The following OR6N2 variants were observed in gnomAD, a reference collection of about 807,000 sequenced individuals.
OR6N2 encodes olfactory receptor family 6 subfamily N member 2, also known as olfactory receptor 6N2.
For missense variants in OR6N2, 399 were observed against 379.7 expected, an observed-to-expected ratio of 1.05 and a Z score of -0.42; for synonymous variants, 160 against 138.3, an observed-to-expected ratio of 1.16 and a Z score of -1.10.
intron 1 of OR6N2, among the ~76,000 whole-genome samples, chr1:158,779,228 T>C (rs904642140): frequency 6.6e-6 from 1 of 152,008 alleles, no homozygotes; most frequent in Non-Finnish European, 1.5e-5. Context: ...TAACAAAAAT[T>C]CACAATGCAA....
intron 1 of OR6N2, among the ~76,000 whole-genome samples, chr1:158,780,381 CT>C: frequency 6.6e-6 from 1 of 152,278 alleles, no homozygotes; most frequent in East Asian, 1.9e-4. Flanking sequence ...GATCAAATGT[CT>C]TTAATCTTCC....
At position 158,776,581 on chromosome 1, in the gene OR6N2, G is replaced by T; in HGVS notation, c.*101C>A. On this transcript the variant is annotated 3_prime_UTR_variant, in exon 2 of 2. Coordinates refer to ENST00000641131, the MANE Select transcript of OR6N2 (RefSeq NM_001005278.2). ...ATAAAGAAATGAAGTCTTTGAAGAG[G>T]TGAAAGGAAATGAAATTCAGAGCAT... The T allele has an allele frequency of 1.5e-6, 1 of 659,516 alleles. No homozygotes were observed. The highest frequency in any genetic ancestry group is 2.6e-6 in the Non-Finnish European group (1 of 384,380). The allele number at this position is 659,516 out of a possible 1,614,324, so 40.9% of individuals were successfully genotyped here.
Position 158,776,460 on chromosome 1 carries a change from T to G in OR6N2, c.*222A>C. 1 of 386,794 alleles carries G rather than the reference T, an allele frequency of 2.6e-6. No individual in the cohort carries two copies. Among genetic ancestry groups the G allele is most frequent in the Non-Finnish European group, 4.6e-6 (1 of 218,476 alleles). 24.0% of individuals were successfully genotyped at this position (386,794 alleles called of 1,614,324 possible). Reference sequence around the variant, plus strand: ...CCTAGGAAATATACATGCTTTTTTTTAAAAAAAGAAGTATGTAGATACTAA... The same window carrying G: ...CCTAGGAAATATACATGCTTTTTTTGAAAAAAAGAAGTATGTAGATACTAA... On this transcript the variant is annotated 3_prime_UTR_variant, in exon 2 of 2. Transcript: ENST00000641131.
chr1:158,779,893 C>G (rs2102017216), intron 1 of OR6N2, among the ~76,000 whole-genome samples: 1 of 152,272 alleles, frequency 6.6e-6, no homozygotes, highest in Middle Eastern at 3.4e-3. Flanking sequence ...ACAAGTCTGT[C>G]TTCCCCAAAA....
rs149694373 is a variant in OR6N2 at position 158,777,061 on chromosome 1, G to A, written c.575C>T (p.Thr192Ile). The change falls in exon 2 of 2, where the codon ACA becomes ATA. Residue 192 changes from threonine to isoleucine, a missense_variant. Thr to Ile is a moderately conservative substitution (Grantham distance 89). Coordinates refer to ENST00000641131, the MANE Select transcript of OR6N2 (RefSeq NM_001005278.2). ...AAAGTCCACCAGAATGTTAGCAGAT[G>A]TGTCCTTGCAGGCCAAGCTCAGCAA... is the stretch of plus-strand genomic sequence containing the variant. ...PPLLSLACKDTSANILVDFAI... is the reference protein window; with the variant it reads ...PPLLSLACKDISANILVDFAI... 13 of 1,614,018 alleles carry A rather than the reference G, an allele frequency of 8.1e-6. No homozygotes were observed. The highest frequency in any genetic ancestry group is 1.0e-5 in the Non-Finnish European group (12 of 1,180,004).
At chr1:158,778,634 C>T (rs1657668840) in intron 1 of OR6N2, among the ~76,000 whole-genome samples, 1 of 152,060 alleles carries the variant, frequency 6.6e-6, no homozygotes, top group African/African-American at 2.4e-5. Context: ...CTATTCTGAC[C>T]TCAAGCTCGG....
In OR6N2 at chr1:158,776,962, ACAGCCC is replaced by A. The variant is rs1657614795; in HGVS notation, c.668_673del (p.Gly223_Ala224del). ...TCCTGATGCTGTTTTTATCTTCAGC[ACAGCCC>A]CAATGATCCTTGCATAAGAAATCAT... On this transcript the variant is annotated inframe_deletion, in exon 2 of 2. Coordinates refer to ENST00000641131, the MANE Select transcript of OR6N2 (RefSeq NM_001005278.2). The A allele has an allele frequency of 1.9e-6, 3 of 1,614,190 alleles. No homozygotes were observed. The East Asian group carries it at 6.7e-5, about 36-fold the overall frequency.
In OR6N2 at chr1:158,775,370, T is replaced by A. The variant is rs1205674970; in HGVS notation, c.*1312A>T. On this transcript the variant is annotated 3_prime_UTR_variant, in exon 2 of 2. Transcript: ENST00000641131. ...AAGCCAGAAAAATCCATAATGTATT[T>A]GAAGACCTGAAAGAGTAATCATGTA... 6.6e-6 allele frequency: 1 copy of A among 152,122 alleles called. No homozygotes were observed. The highest frequency in any genetic ancestry group is 1.5e-5 in the Non-Finnish European group (1 of 68,018). The allele number at this position is 152,122 out of a possible 1,614,324, so 9.4% of individuals were successfully genotyped here.
At position 158,775,221 on chromosome 1, in the gene OR6N2, A is replaced by G. The variant is rs1232089120; in HGVS notation, c.*1461T>C. The G allele has an allele frequency of 2.6e-5, 4 of 152,216 alleles. 1 individual carries two copies. The highest frequency in any genetic ancestry group is 5.9e-5 in the Non-Finnish European group (4 of 68,048). 9.4% of individuals were successfully genotyped at this position (152,216 alleles called of 1,614,324 possible). A position where few individuals can be genotyped will look rare whatever the true frequency, so the allele number is the denominator to read the frequency against. On this transcript the variant is annotated 3_prime_UTR_variant, in exon 2 of 2. Transcript: ENST00000641131. ...GATAAAAATGAGTGACATAAATTAG[A>G]CTGAGTGTTCAGAAGTCCTCTCAAA...
At chr1:158,780,581 T>C (rs1459721294) in intron 1 of OR6N2, among the ~76,000 whole-genome samples, 4 of 152,224 alleles carry the variant, frequency 2.6e-5, no homozygotes, top group African/African-American at 7.2e-5. Context: ...GCCTCCCTTA[T>C]ATGTGCTCAG....
intron 1 of OR6N2, among the ~76,000 whole-genome samples, chr1:158,779,005 C>A (rs1439460134): frequency 5.7e-5 from 4 of 69,772 alleles, no homozygotes; most frequent in Non-Finnish European, 1.0e-4. Flanking sequence ...GGCGACAGTG[C>A]GAGACTGCGT....
Position 158,777,463 on chromosome 1 carries a change from G to T in OR6N2, c.173C>A (p.Pro58His). ...AAGAACACTGACAAAGTGGTACATA[G>T]GTGTGTGCAGAGCTGCATCCAGTCG... ...VIRLDAALHT[P>H]MYHFVSVLSF... Residue 58 changes from proline to histidine, a missense_variant, in exon 2 of 2, where the codon CCT (proline) becomes CAT (histidine). Physicochemically the swap from Pro to His is moderately conservative, Grantham distance 77. Transcript: ENST00000641131. The T allele has an allele frequency of 6.2e-7, 1 of 1,614,190 alleles. No individual in the cohort carries two copies. The highest frequency in any genetic ancestry group is 8.5e-7 in the Non-Finnish European group (1 of 1,180,040).
rs1025486819 is a variant in OR6N2, at chr1:158,775,581, A to T, written c.*1101T>A. On this transcript the variant is annotated 3_prime_UTR_variant, in exon 2 of 2. Coordinates refer to ENST00000641131, the MANE Select transcript of OR6N2 (RefSeq NM_001005278.2). ...ATTCAGATTTCAAATACATTACTTT[A>T]TATTTTATGTGGAAAATATATTAGA... is the stretch of plus-strand genomic sequence containing the variant. 1 of 152,228 alleles carries T rather than the reference A, an allele frequency of 6.6e-6. No homozygotes were observed. The highest frequency in any genetic ancestry group is 6.5e-5 in the Admixed American group (1 of 15,278). The allele number at this position is 152,228 out of a possible 1,614,324, so 9.4% of individuals were successfully genotyped here. A position where few individuals can be genotyped will look rare whatever the true frequency, so the allele number is the denominator to read the frequency against.
rs1352096339 is a variant in OR6N2 at position 158,776,948 on chromosome 1, T to C, written c.688A>G (p.Thr230Ala). 2 of 1,614,050 alleles carry C rather than the reference T, an allele frequency of 1.2e-6. No individual in the cohort carries two copies. Among genetic ancestry groups the C allele is most frequent in the Non-Finnish European group, 1.7e-6 (2 of 1,179,974 alleles). ...AAGGCCTTCTTTCTTCCTGATGCTG[T>C]TTTTATCTTCAGCACAGCCCCAATG... ...RIIGAVLKIK[T>A]ASGRKKAFST... The change falls in exon 2 of 2, where the codon ACA becomes GCA. Residue 230 changes from threonine to alanine, a missense_variant. Physicochemically the swap from Thr to Ala is moderately conservative, Grantham distance 58. Transcript: ENST00000641131.
chr1:158,777,260 T>C lies in OR6N2; in HGVS notation c.376A>G (p.Ile126Val). Residue 126 changes from isoleucine (I) to valine (V), a missense_variant, in exon 2 of 2, where the codon ATT becomes GTT. Transcript: ENST00000641131. ...ATAGGGTAGTGGAGGGGCCGACAAA[T>C]GGCCAGGTATCTATCATAGGCCATG... The part of the protein sequence containing the change: ...TAMAYDRYLA[I>V]CRPLHYPIIM... The C allele has an allele frequency of 2.5e-6, 4 of 1,614,042 alleles. No individual in the cohort carries two copies. The highest frequency in any genetic ancestry group is 2.5e-6 in the Non-Finnish European group (3 of 1,180,002).
At position 158,775,086 on chromosome 1, in the gene OR6N2, A is replaced by G. The variant is rs1415828325; in HGVS notation, c.*1596T>C. ...TAATTTGAGACCAAATCTAGTTTAT[A>G]GATACTTGTAGGAAAGAATGACAAA... On this transcript the variant is annotated 3_prime_UTR_variant, in exon 2 of 2. Coordinates refer to ENST00000641131, the MANE Select transcript of OR6N2 (RefSeq NM_001005278.2). 6.6e-6 allele frequency: 1 copy of G among 152,258 alleles called. No homozygotes were observed. Among genetic ancestry groups the G allele is most frequent in the Non-Finnish European group, 1.5e-5 (1 of 68,046 alleles). The allele number at this position is 152,258 out of a possible 1,614,324, so 9.4% of individuals were successfully genotyped here.
chr1:158,778,943 CG>C (rs1657677503), intron 1 of OR6N2, among the ~76,000 whole-genome samples: 2 of 142,488 alleles, frequency 1.4e-5, no homozygotes, highest in East Asian at 4.4e-4. Context: ...GGAGTGAACC[CG>C]GGAGGTGGAG....
rs1657630621 is a variant in OR6N2, at chr1:158,777,393, C to T, written c.243G>A (p.Met81Ile). ...LWYTATTIPK[M>I]LSNILSEKKT... ...TCTTCTCACTGAGAATATTAGACAA[C>T]ATCTTAGGGATAGTGGTAGCTGTAT... Residue 81 changes from methionine to isoleucine, a missense_variant, in exon 2 of 2, where the codon ATG (methionine) becomes ATA (isoleucine). Coordinates refer to ENST00000641131, the MANE Select transcript of OR6N2 (RefSeq NM_001005278.2). 1.2e-6 allele frequency: 2 copies of T among 1,614,168 alleles called. No homozygotes were observed. Among genetic ancestry groups the T allele is most frequent in the East Asian group, 4.5e-5 (2 of 44,892 alleles).
rs1657612761 is a variant in OR6N2 at position 158,776,905 on chromosome 1, T to C, written c.731A>G (p.His244Arg). The C allele has an allele frequency of 1.2e-6, 2 of 1,613,974 alleles. No individual in the cohort carries two copies. The highest frequency in any genetic ancestry group is 1.7e-6 in the Non-Finnish European group (2 of 1,179,992). Residue 244 changes from histidine (H) to arginine (R), a missense_variant, in exon 2 of 2, where the codon CAT becomes CGT. His to Arg is a conservative substitution (Grantham distance 29, BLOSUM62 0). Transcript: ENST00000641131. ...AAAGAAGATGAGGACCACAGCAAGA[T>C]GTGAGGCACAGGTAGAAAAGGCCTT... ...RKKAFSTCAS[H>R]LAVVLIFFGS... is the part of the protein sequence containing the mutation.
Sources: allele counts gnomAD v4.1 joint callset (sites outside exome capture counted in the v4.1 genomes callset), GRCh38; gene constraint gnomAD v4.1.1; transcripts MANE v1.5; gene names NCBI Gene and HGNC (gene_info 2026-07-23, HGNC 2026-07-21).